Variants in VRK2 observed in about 807,000 individuals in gnomAD.
VRK2 encodes VRK serine/threonine kinase 2, also known as serine/threonine-protein kinase VRK2.
In VRK2, 60 loss-of-function variants were observed where a neutral mutation model predicts 57.6. The ratio of observed to expected loss-of-function variants is 1.04; its 90% CI spans 0.85 to 1.29. The LOEUF (loss-of-function observed/expected upper bound fraction) is 1.29, where lower values mean the gene tolerates loss of function less well. Ranked by LOEUF, VRK2 falls within the 50% of genes most tolerant of loss-of-function variation. VRK2 has a pLI of 0.00. For synonymous variants in VRK2, 231 were observed against 199.2 expected, an observed-to-expected ratio of 1.16 and a Z score of -1.35; for missense variants, 705 against 588.1, an observed-to-expected ratio of 1.20 and a Z score of -2.06.
At chr2:58,047,572 A>T (rs1675032086) in intron 1 of VRK2, 1 of 537,642 alleles carries the variant, frequency 1.9e-6, no homozygotes, top group African/African-American at 2.1e-5. Flanking sequence ...TTTATTCCTT[A>T]ATCAGTAGTT....
intron 5 of VRK2, among the ~76,000 whole-genome samples, chr2:58,087,009 C>A (rs912534560): frequency 6.6e-6 from 1 of 152,132 alleles, no homozygotes; most frequent in African/African-American, 2.4e-5. Context: ...TCAGTTCTAT[C>A]TCTTGAGGAG....
chr2:57,995,867 C>T (rs1672908093), intron 1 of VRK2, among the ~76,000 whole-genome samples: 1 of 152,198 alleles, frequency 6.6e-6, no homozygotes, highest in Non-Finnish European at 1.5e-5. Flanking sequence ...CCCACCATTG[C>T]TTTTGCACCA....
intron 1 of VRK2, among the ~76,000 whole-genome samples, chr2:57,929,978 A>G (rs1336791287): frequency 6.6e-6 from 1 of 151,902 alleles, no homozygotes; most frequent in Non-Finnish European, 1.5e-5. Flanking sequence ...CCTCTCCTCA[A>G]GCAGAGGACA....
At chr2:58,146,567 C>G in intron 12 of VRK2, 93 bp downstream of exon 12, 1 of 1,412,996 alleles carries the variant, frequency 7.1e-7, no homozygotes, top group Non-Finnish European at 9.5e-7. Context: ...CTCCTGAGGG[C>G]CAAGGTTGTA....
intron 7 of VRK2, among the ~76,000 whole-genome samples, chr2:58,106,540 C>T (rs906461670): frequency 4.0e-5 from 6 of 151,856 alleles, no homozygotes; most frequent in Admixed American, 2.0e-4. Context: ...GATGGAATGA[C>T]GCAGTAATAG....
At chr2:58,051,992 A>C (rs763041795) in intron 2 of VRK2, among the ~76,000 whole-genome samples, 1 of 152,198 alleles carries the variant, frequency 6.6e-6, no homozygotes, top group Non-Finnish European at 1.5e-5. Flanking sequence ...TGAATGAAAA[A>C]GTTTTTTAAA....
chr2:58,141,505 TTAAAAA>T (rs1336917578), intron 11 of VRK2, among the ~76,000 whole-genome samples: 3 of 151,960 alleles, frequency 2.0e-5, no homozygotes, highest in East Asian at 1.9e-4. Context: ...AAAAAAGCAC[TTAAAAA>T]TAATACATGC....
intron 12 of VRK2, among the ~76,000 whole-genome samples, chr2:58,157,423 C>T (rs910603271): frequency 6.6e-6 from 1 of 152,164 alleles, no homozygotes; most frequent in East Asian, 1.9e-4. Context: ...TAGTACTTAT[C>T]TACTAGGTGT....
intron 12 of VRK2, among the ~76,000 whole-genome samples, chr2:58,156,566 G>C (rs750843844): frequency 6.7e-6 from 1 of 148,404 alleles, no homozygotes; most frequent in African/African-American, 2.6e-5. Context: ...TGTACCTCAG[G>C]TTGGGTGGTG....
chr2:57,958,462 T>G (rs1360740956), intron 1 of VRK2, among the ~76,000 whole-genome samples: 2 of 147,198 alleles, frequency 1.4e-5, no homozygotes, highest in South Asian at 4.2e-4. Context: ...TATATATACA[T>G]GTATATATAC....
chr2:57,931,524 T>A (rs1174327656), intron 1 of VRK2, among the ~76,000 whole-genome samples: 1 of 152,218 alleles, frequency 6.6e-6, no homozygotes, highest in Non-Finnish European at 1.5e-5. Flanking sequence ...ATTAACCCCA[T>A]ATCAGGTATA....
chr2:57,951,306 G>A (rs1237991788), intron 1 of VRK2, among the ~76,000 whole-genome samples: 1 of 152,134 alleles, frequency 6.6e-6, no homozygotes, highest in Admixed American at 6.5e-5. Flanking sequence ...CTGAATTGCT[G>A]CAATCTCATG....
intron 1 of VRK2, among the ~76,000 whole-genome samples, chr2:58,004,460 T>C (rs190553436): frequency 1.4e-3 from 217 of 152,286 alleles, no homozygotes; most frequent in African/African-American, 4.7e-3. Context: ...TAATCTGTTA[T>C]TGCAATGATT....
chr2:58,136,844 T>TA (rs1491534065), intron 10 of VRK2, among the ~76,000 whole-genome samples: 10 of 133,874 alleles, frequency 7.5e-5, no homozygotes, highest in African/African-American at 2.9e-4. Context: ...ATCATATATA[T>TA]TATATCATAT....
intron 2 of VRK2, among the ~76,000 whole-genome samples, chr2:58,080,478 A>G (rs1052281635): frequency 6.6e-6 from 1 of 151,850 alleles, no homozygotes. Flanking sequence ...TTTTGTTGCA[A>G]TGTTGTTAAT....
chr2:58,157,957 T>TAATC (rs1684223627), intron 12 of VRK2, among the ~76,000 whole-genome samples: 1 of 152,192 alleles, frequency 6.6e-6, no homozygotes, highest in Non-Finnish European at 1.5e-5. Flanking sequence ...TAGACTATCC[T>TAATC]AATCAGACCC....
chr2:58,101,060 A>G (rs565381998), intron 7 of VRK2, among the ~76,000 whole-genome samples: 1 of 151,810 alleles, frequency 6.6e-6, no homozygotes, highest in East Asian at 1.9e-4. Context: ...CTAGAGTCTT[A>G]TTATTATTGG....
At chr2:58,104,691 A>G (rs1674491575) in intron 7 of VRK2, among the ~76,000 whole-genome samples, 1 of 151,902 alleles carries the variant, frequency 6.6e-6, no homozygotes, top group Non-Finnish European at 1.5e-5. Context: ...CATTTTTCAC[A>G]GAATTAGACA....
chr2:58,045,843 CTT>C (rs774363158), upstream of VRK2, among the ~76,000 whole-genome samples: 1 of 151,920 alleles, frequency 6.6e-6, no homozygotes, highest in African/African-American at 2.4e-5. Context: ...TACTATGAGT[CTT>C]TTTTTTCTTT....
Sources: allele counts gnomAD v4.1 joint callset (sites outside exome capture counted in the v4.1 genomes callset), GRCh38; gene constraint gnomAD v4.1.1; transcripts MANE v1.5; gene names NCBI Gene and HGNC (gene_info 2026-07-23, HGNC 2026-07-21).